SIN3A: variants seen among roughly 807,000 people sequenced by gnomAD.
SIN3A encodes SIN3 transcription regulator family member A, also known as paired amphipathic helix protein Sin3a.
Under a neutral mutation model 146.1 loss-of-function variants are expected in SIN3A, and 14 were observed. That is an observed-to-expected ratio of 0.10 (90% CI 0.06 to 0.15). The LOEUF (loss-of-function observed/expected upper bound fraction) is 0.15, where lower values mean the gene tolerates loss of function less well. Ranked by LOEUF, SIN3A falls within the 10% of genes least tolerant of loss-of-function variation. The pLI is 1.00. For synonymous variants in SIN3A, 572 were observed against 572.0 expected, an observed-to-expected ratio of 1.00 and a Z score of 0.00; for missense variants, 1,028 against 1,576.0, an observed-to-expected ratio of 0.65 and a Z score of 5.89.
At chr15:75,448,487 C>T (rs1197379871) in intron 1 of SIN3A, among the ~76,000 whole-genome samples, 1 of 143,892 alleles carries the variant, frequency 6.9e-6, no homozygotes, top group East Asian at 1.9e-4. Context: ...GAGCAGGACT[C>T]CATCTCAAAA....
intron 16 of SIN3A, chr15:75,388,155 G>A (rs1412996252): frequency 6.6e-6 from 1 of 152,160 alleles, no homozygotes; most frequent in South Asian, 2.1e-4. Context: ...GTGGCAGTGT[G>A]GATTCTAGAA....
chr15:75,411,386 T>A (rs2073635946), intron 6 of SIN3A, 106 bp downstream of exon 6: 1 of 1,204,722 alleles, frequency 8.3e-7, no homozygotes, highest in Non-Finnish European at 1.2e-6. Flanking sequence ...TTCTAACTGG[T>A]TAATTTCCAG....
intron 20 of SIN3A, among the ~76,000 whole-genome samples, chr15:75,373,450 A>T (rs2072792795): frequency 1.3e-5 from 2 of 152,146 alleles, no homozygotes; most frequent in African/African-American, 4.8e-5. Context: ...GCCAACCCTG[A>T]GACAGCAAAA....
chr15:75,427,048 A>G (rs1267693982), intron 2 of SIN3A, among the ~76,000 whole-genome samples: 1 of 152,168 alleles, frequency 6.6e-6, no homozygotes, highest in East Asian at 1.9e-4. Context: ...GTGACAGAAA[A>G]AAAGTCATTT....
chr15:75,403,823 G>A (rs774098529), intron 9 of SIN3A, among the ~76,000 whole-genome samples: 2 of 152,192 alleles, frequency 1.3e-5, no homozygotes, highest in Admixed American at 6.5e-5. Flanking sequence ...TGGGATTACA[G>A]GCGTGAGCCA....
At chr15:75,450,992 C>T (rs2074394510) in intron 1 of SIN3A, among the ~76,000 whole-genome samples, 1 of 150,892 alleles carries the variant, frequency 6.6e-6, no homozygotes, top group African/African-American at 2.4e-5. Flanking sequence ...CCCTGCCGCG[C>T]CCTGAATCTA....
chr15:75,417,185 GCTAAGC>G (rs1198715670), intron 3 of SIN3A, among the ~76,000 whole-genome samples: 1 of 152,072 alleles, frequency 6.6e-6, no homozygotes. Context: ...GGTTGGAAAG[GCTAAGC>G]TATGAGTCTG....
At chr15:75,439,926 G>A (rs1158865550) in intron 1 of SIN3A, among the ~76,000 whole-genome samples, 11 of 151,476 alleles carry the variant, frequency 7.3e-5, no homozygotes, top group East Asian at 6.0e-4. Context: ...TGAGGCGGGC[G>A]GATCACCTGA....
chr15:75,381,503 TA>T, intron 18 of SIN3A, 109 bp downstream of exon 18: 1 of 770,474 alleles, frequency 1.3e-6, no homozygotes. Flanking sequence ...TCCTGACCCT[TA>T]AACAGGCCTG....
chr15:75,451,020 C>A (rs562562458), intron 1 of SIN3A, among the ~76,000 whole-genome samples: 11 of 151,822 alleles, frequency 7.2e-5, no homozygotes, highest in African/African-American at 1.9e-4. Flanking sequence ...GAGACCCCCC[C>A]CTACCCCTCC....
chr15:75,417,388 T>G (rs1278549975), intron 3 of SIN3A, among the ~76,000 whole-genome samples: 3 of 152,066 alleles, frequency 2.0e-5, no homozygotes, highest in Non-Finnish European at 4.4e-5. Context: ...CTTTTTTTTT[T>G]TTTTGAGATG....
chr15:75,395,105 T>C lies in SIN3A; in HGVS notation c.2094-242A>G, dbSNP rs755758950. 5.9e-5 allele frequency among the ~76,000 whole-genome samples: 9 copies of C among 152,292 alleles called. No individual in the cohort carries two copies. The South Asian group carries it at 6.2e-4, about 11-fold the overall frequency. ...AAGTCAAATAATTTACCTAGAATGG[T>C]TACTTAAAAACAGCATTCCAGGGAA... On this transcript the variant is annotated intron_variant, in intron 13 of 20. Coordinates refer to ENST00000394947, the MANE Select transcript of SIN3A (RefSeq NM_001145358.2).
Position 75,380,551 on chromosome 15 carries a change from G to A in SIN3A, c.3383+78C>T, listed in dbSNP as rs1335331222. ...AATGAATAAAATATGTGAAGGCCAA[G>A]AACGTGAAAGTCATTTAACTCTCCA... On this transcript the variant is annotated intron_variant, in intron 19 of 20. Coordinates refer to ENST00000394947, the MANE Select transcript of SIN3A (RefSeq NM_001145358.2). 7 of 1,086,644 alleles carry A rather than the reference G, an allele frequency of 6.4e-6. No individual in the cohort carries two copies. In the African/African-American group the frequency reaches 7.7e-5, roughly 12 times the overall value. The allele number at this position is 1,086,644 out of a possible 1,614,324, so 67.3% of individuals were successfully genotyped here.
At chr15:75,438,615 G>A (rs2074146734) in intron 1 of SIN3A, among the ~76,000 whole-genome samples, 1 of 151,942 alleles carries the variant, frequency 6.6e-6, no homozygotes, top group Non-Finnish European at 1.5e-5. Context: ...TTTGAGCCTG[G>A]GAGGTTGAGG....
intron 9 of SIN3A, among the ~76,000 whole-genome samples, chr15:75,406,315 T>C (rs938464206): frequency 1.3e-5 from 2 of 152,204 alleles, no homozygotes; most frequent in African/African-American, 4.8e-5. Flanking sequence ...CTGGGTAGCT[T>C]TGAAAACATG....
intron 20 of SIN3A, among the ~76,000 whole-genome samples, chr15:75,374,312 G>C (rs1451194375): frequency 6.6e-6 from 1 of 152,168 alleles, no homozygotes; most frequent in Non-Finnish European, 1.5e-5. Context: ...TGGCCAACAT[G>C]GTGAAATCCC....
chr15:75,430,205 A>C lies in SIN3A; in HGVS notation c.171T>G (p.Ser57=), dbSNP rs1185839753. The C allele has an allele frequency of 6.2e-7, 1 of 1,614,074 alleles. No homozygotes were observed. Among genetic ancestry groups the C allele is most frequent in the Non-Finnish European group, 8.5e-7 (1 of 1,179,938 alleles). The change falls in exon 2 of 21, where the codon TCT becomes TCG. Residue 57 remains serine (S), a synonymous_variant. Coordinates refer to ENST00000394947, the MANE Select transcript of SIN3A (RefSeq NM_001145358.2). ...AGCTTACCTGGTAGCTGGGTGTTACAGAGTACTGAATTCCCGTAGCTGACT... is the reference window on the plus strand; with the variant it reads ...AGCTTACCTGGTAGCTGGGTGTTACCGAGTACTGAATTCCCGTAGCTGACT... ...TMQSATGIQY[S]VTPSYQVSAM...
chr15:75,423,378 T>C (rs2141543602), intron 2 of SIN3A, among the ~76,000 whole-genome samples: 1 of 152,318 alleles, frequency 6.6e-6, no homozygotes, highest in South Asian at 2.1e-4. Context: ...AAATTATTTG[T>C]AGCTATTAAA....
At chr15:75,407,178 A>G in intron 8 of SIN3A, 34 bp from the exon 9 acceptor site, 1 of 1,422,910 alleles carries the variant, frequency 7.0e-7, no homozygotes, top group Non-Finnish European at 9.9e-7. Context: ...GTGAGATTCA[A>G]CGAGTGGTTT....
Sources: gnomAD v4.1 joint callset for allele counts (sites outside exome capture counted in the v4.1 genomes callset) on GRCh38, gnomAD v4.1.1 for gene constraint, MANE v1.5 for transcripts, NCBI Gene and HGNC (gene_info 2026-07-23, HGNC 2026-07-21) for gene names.